ZNF566: variants seen among roughly 807,000 people sequenced by gnomAD.
The protein encoded by ZNF566 is zinc finger protein 566.
A neutral mutation model predicts 32.8 loss-of-function variants in ZNF566; 27 were observed. The observed-to-expected ratio is 0.82, with a 90% CI of 0.61 to 1.14. The LOEUF is 1.14. Ranked by LOEUF, ZNF566 falls within the 50% of genes most tolerant of loss-of-function variation. ZNF566 has a pLI of 0.00. For synonymous variants in ZNF566, 154 were observed against 159.5 expected (o/e 0.97, Z 0.26); for missense variants, 402 against 490.4 (o/e 0.82, Z 1.70).
Position 36,489,523 on chromosome 19 carries a change from G to A in ZNF566, c.-97C>T, listed in dbSNP as rs1568538290. ...CAGCAGAACCCTCCCCGGCACTGGG[G>A]TAGTTGCTGGTAAAGCCCTGAGGGT... is the stretch of plus-strand genomic sequence containing the variant. On this transcript the variant is annotated 5_prime_UTR_variant, in exon 1 of 5. Coordinates refer to ENST00000452939, the MANE Select transcript of ZNF566 (RefSeq NM_001145344.1). 5.7e-6 allele frequency: 2 copies of A among 349,366 alleles called. No homozygotes were observed. The highest frequency in any genetic ancestry group is 2.1e-5 in the African/African-American group (1 of 46,536). 21.6% of individuals were successfully genotyped at this position (349,366 alleles called of 1,614,324 possible). A position where few individuals can be genotyped will look rare whatever the true frequency, so the allele number is the denominator to read the frequency against.
At chr19:36,465,518 C>T (rs1436860402) in intron 4 of ZNF566, among the ~76,000 whole-genome samples, 3 of 152,058 alleles carry the variant, frequency 2.0e-5, no homozygotes, top group African/African-American at 7.2e-5. Context: ...CTCTGTAGCC[C>T]AGGAGTGCGG....
intron 4 of ZNF566, among the ~76,000 whole-genome samples, chr19:36,463,541 T>C (rs948729087): frequency 3.5e-5 from 5 of 141,842 alleles, no homozygotes; most frequent in African/African-American, 7.8e-5. Context: ...TAATTTCTTT[T>C]TTTTTTTTTT....
At chr19:36,489,071 C>T (rs1453496640) in intron 1 of ZNF566, among the ~76,000 whole-genome samples, 1 of 152,190 alleles carries the variant, frequency 6.6e-6, no homozygotes, top group East Asian at 1.9e-4. Flanking sequence ...GTCACGATCA[C>T]ACATTAACCA....
intron 2 of ZNF566, chr19:36,476,310 A>G (rs2033884202): frequency 3.0e-6 from 1 of 335,380 alleles, no homozygotes; most frequent in South Asian, 4.2e-5. Flanking sequence ...CATCTCGAAA[A>G]AAAAAAAAAA....
intron 2 of ZNF566, among the ~76,000 whole-genome samples, chr19:36,475,202 T>A (rs2033855190): frequency 6.6e-6 from 1 of 152,244 alleles, no homozygotes; most frequent in East Asian, 1.9e-4. Flanking sequence ...TGCACCAACA[T>A]GCCTGGCTAA....
At chr19:36,470,602 A>C (rs2033737322) in intron 4 of ZNF566, among the ~76,000 whole-genome samples, 1 of 152,126 alleles carries the variant, frequency 6.6e-6, no homozygotes, top group South Asian at 2.1e-4. Context: ...AGCCAGGGAA[A>C]TCTTTTTAAA....
intron 2 of ZNF566, 150 bp downstream of exon 2, chr19:36,476,399 T>C: frequency 1.8e-6 from 1 of 567,940 alleles, no homozygotes. Flanking sequence ...TCCTTTCCTT[T>C]ACAGCAAAAT....
chr19:36,452,928 C>A (rs572529022), intron 4 of ZNF566, among the ~76,000 whole-genome samples: 19 of 151,672 alleles, frequency 1.3e-4, no homozygotes, highest in African/African-American at 4.6e-4. Flanking sequence ...GACCAGCCTG[C>A]CCAATATGGT....
chr19:36,484,811 G>T (rs906724109), intron 1 of ZNF566, among the ~76,000 whole-genome samples: 3 of 151,912 alleles, frequency 2.0e-5, no homozygotes, highest in African/African-American at 7.3e-5. Context: ...GGATGGTCTT[G>T]ATCTCCTGAC....
chr19:36,477,114 G>A (rs949462347), intron 1 of ZNF566, among the ~76,000 whole-genome samples: 3 of 151,844 alleles, frequency 2.0e-5, no homozygotes, highest in Admixed American at 1.3e-4. Flanking sequence ...GGGTTCAAGC[G>A]ATTCTTCTGC....
intron 4 of ZNF566, among the ~76,000 whole-genome samples, chr19:36,461,484 C>T (rs2033460584): frequency 6.6e-6 from 1 of 151,964 alleles, no homozygotes; most frequent in Non-Finnish European, 1.5e-5. Flanking sequence ...CTGGCCAACA[C>T]GGTAAAACCT....
Position 36,445,861 on chromosome 19 carries a change from C to T in ZNF566, c.*3116G>A, listed in dbSNP as rs912962310. On this transcript the variant is annotated 3_prime_UTR_variant, in exon 5 of 5. Transcript: ENST00000452939. Reference sequence around the variant, plus strand: ...AAAACACTGGAAATGACTTGGGAAGCTTATTTTATAGAAATAAAACAGACA... The same window carrying T: ...AAAACACTGGAAATGACTTGGGAAGTTTATTTTATAGAAATAAAACAGACA... 3.3e-5 allele frequency: 5 copies of T among 152,060 alleles called. No homozygotes were observed. Among genetic ancestry groups the T allele is most frequent in the Non-Finnish European group, 2.9e-5 (2 of 68,008 alleles). 9.4% of individuals were successfully genotyped at this position (152,060 alleles called of 1,614,324 possible).
At position 36,445,242 on chromosome 19, in the gene ZNF566, A is replaced by G. The variant is rs1363926971; in HGVS notation, c.*3735T>C. On this transcript the variant is annotated 3_prime_UTR_variant, in exon 5 of 5. Transcript: ENST00000452939. ...GTCAAGGATTGCTAGAATATGGAGA[A>G]CAGAAATAGATGTGAGCATTTAATA... The G allele has an allele frequency of 1.3e-5, 2 of 152,200 alleles. No homozygotes were observed. The highest frequency in any genetic ancestry group is 4.8e-5 in the African/African-American group (2 of 41,462). The allele number at this position is 152,200 out of a possible 1,614,324, so 9.4% of individuals were successfully genotyped here.
At chr19:36,469,060 G>A (rs1312513522) in intron 4 of ZNF566, among the ~76,000 whole-genome samples, 1 of 151,754 alleles carries the variant, frequency 6.6e-6, no homozygotes, top group Non-Finnish European at 1.5e-5. Flanking sequence ...ATCATGCTAT[G>A]GTGAAAATGT....
chr19:36,476,522 T>C (rs1258744563), intron 2 of ZNF566, 27 bp downstream of exon 2: 1 of 1,604,712 alleles, frequency 6.2e-7, no homozygotes, highest in African/African-American at 1.3e-5. Context: ...AATCACTCTA[T>C]CTGAGCAAAA....
At chr19:36,478,749 G>T (rs1423457772) in intron 1 of ZNF566, among the ~76,000 whole-genome samples, 1 of 152,150 alleles carries the variant, frequency 6.6e-6, no homozygotes, top group Non-Finnish European at 1.5e-5. Context: ...GTCTTGCTGG[G>T]TATGCCTAGA....
intron 4 of ZNF566, among the ~76,000 whole-genome samples, chr19:36,457,028 C>T (rs574571762): frequency 5.0e-4 from 76 of 152,204 alleles, no homozygotes; most frequent in Admixed American, 3.4e-3. Flanking sequence ...CAAAACAGCA[C>T]GGCACTGGCA....
At chr19:36,484,799 C>T (rs1246620099) in intron 1 of ZNF566, among the ~76,000 whole-genome samples, 1 of 151,898 alleles carries the variant, frequency 6.6e-6, no homozygotes, top group Non-Finnish European at 1.5e-5. Flanking sequence ...CCGTGTTAGC[C>T]AGGATGGTCT....
intron 4 of ZNF566, among the ~76,000 whole-genome samples, chr19:36,455,899 C>T (rs1049243348): frequency 2.0e-5 from 3 of 151,640 alleles, no homozygotes; most frequent in Non-Finnish European, 2.9e-5. Context: ...ATTAGCCAGG[C>T]ATGGTGGTGG....
Sources: allele counts gnomAD v4.1 joint callset (sites outside exome capture counted in the v4.1 genomes callset), GRCh38; gene constraint gnomAD v4.1.1; transcripts MANE v1.5; gene names NCBI Gene and HGNC (gene_info 2026-07-23, HGNC 2026-07-21).